CDH2: variants seen among roughly 807,000 people sequenced by gnomAD.
CDH2 encodes cadherin-2.
Under a neutral mutation model 92.0 loss-of-function variants are expected in CDH2, and 17 were observed. That is an observed-to-expected ratio of 0.18 (90% CI 0.13 to 0.28). The LOEUF (loss-of-function observed/expected upper bound fraction) is 0.28. Ranked by LOEUF, CDH2 falls within the 10% of genes least tolerant of loss-of-function variation. CDH2 has a pLI of 1.00. For missense variants in CDH2, 862 were observed against 1,133.1 expected (o/e 0.76, Z 3.44); for synonymous variants, 419 against 415.9 (o/e 1.01, Z -0.09).
At chr18:28,092,097 T>G (rs1271275249) in intron 2 of CDH2, among the ~76,000 whole-genome samples, 1 of 151,960 alleles carries the variant, frequency 6.6e-6, no homozygotes, top group Non-Finnish European at 1.5e-5. Context: ...CATCACATAC[T>G]GGGGTTTAGG....
At chr18:28,094,792 T>TAAA (rs35744873) in intron 2 of CDH2, among the ~76,000 whole-genome samples, 26,672 of 81,968 alleles carry the variant, frequency 0.33, 5,249 homozygotes, top group Non-Finnish European at 0.39. Flanking sequence ...AGACTCTGTC[T>TAAA]AAAAAAAAAA....
chr18:28,100,725 T>C (rs1048041342), intron 2 of CDH2, among the ~76,000 whole-genome samples: 4 of 152,214 alleles, frequency 2.6e-5, no homozygotes, highest in African/African-American at 4.8e-5. Context: ...CACATACACA[T>C]TGCATTCCCA....
intron 2 of CDH2, among the ~76,000 whole-genome samples, chr18:28,032,498 G>C (rs568575): frequency 0.23 from 35,184 of 151,974 alleles, 4,328 homozygotes; most frequent in South Asian, 0.37. Context: ...ATTCATCTAT[G>C]TAAATATAAA....
intron 2 of CDH2, among the ~76,000 whole-genome samples, chr18:28,091,049 TG>T: frequency 6.6e-6 from 1 of 152,374 alleles, no homozygotes; most frequent in Middle Eastern, 3.4e-3. Context: ...TTGCATAGGC[TG>T]ATTTTCTCAT....
intron 2 of CDH2, among the ~76,000 whole-genome samples, chr18:28,082,336 C>A (rs1270050236): frequency 6.6e-6 from 1 of 151,978 alleles, no homozygotes; most frequent in African/African-American, 2.4e-5. Flanking sequence ...ACTTGAGCCC[C>A]GGAGACTGAG....
intron 9 of CDH2, among the ~76,000 whole-genome samples, chr18:27,990,843 T>A (rs1345971928): frequency 6.6e-6 from 1 of 152,210 alleles, no homozygotes; most frequent in Non-Finnish European, 1.5e-5. Flanking sequence ...CTTATTTGAT[T>A]TAAAAGTACC....
chr18:28,108,984 CT>C (rs924684187), intron 2 of CDH2, among the ~76,000 whole-genome samples: 1 of 152,072 alleles, frequency 6.6e-6, no homozygotes, highest in African/African-American at 2.4e-5. Flanking sequence ...ACATTAAATA[CT>C]TTGACAACAC....
chr18:28,151,442 C>T (rs1016287817), intron 1 of CDH2, among the ~76,000 whole-genome samples: 10 of 152,162 alleles, frequency 6.6e-5, no homozygotes, highest in Admixed American at 3.9e-4. Context: ...CACAGCATCC[C>T]TAACAAAGGA....
intron 1 of CDH2, among the ~76,000 whole-genome samples, chr18:28,162,109 C>A (rs1006919966): frequency 6.6e-6 from 1 of 152,104 alleles, no homozygotes; most frequent in Non-Finnish European, 1.5e-5. Context: ...TTGTCCAGAA[C>A]TGAAATAGAT....
At position 28,024,367 on chromosome 18, in the gene CDH2, A is replaced by T. The variant is rs1289765657; in HGVS notation, c.173-10458T>A. On this transcript the variant is annotated intron_variant, in intron 2 of 15. Coordinates refer to ENST00000269141, the MANE Select transcript of CDH2 (RefSeq NM_001792.5). ...GTTGGGAAAATAAACATATGTAGAA[A>T]TGAAATCTTAAGACAAAACAGATTG... Among the ~76,000 whole-genome samples, 5 of 151,806 alleles carry T rather than the reference A, an allele frequency of 3.3e-5. No individual in the cohort carries two copies. The East Asian group carries it at 9.7e-4, about 29-fold the overall frequency.
chr18:27,952,489 T>C, intron 15 of CDH2, 130 bp from the exon 16 acceptor site: 1 of 691,216 alleles, frequency 1.4e-6, no homozygotes, highest in East Asian at 2.7e-5. Context: ...ACATACCATA[T>C]TTTCAACACA....
chr18:28,173,436 A>G (rs966582127), intron 1 of CDH2, among the ~76,000 whole-genome samples: 1 of 152,158 alleles, frequency 6.6e-6, no homozygotes, highest in African/African-American at 2.4e-5. Context: ...ATGAAAATCA[A>G]ATAAATACTG....
At chr18:27,959,364 A>ACAT (rs2011338684) in intron 15 of CDH2, among the ~76,000 whole-genome samples, 3 of 152,338 alleles carry the variant, frequency 2.0e-5, no homozygotes, top group African/African-American at 7.2e-5. Context: ...CTTATTCCTT[A>ACAT]CATCTATAAA....
chr18:28,166,932 G>C (rs1264196117), intron 1 of CDH2, among the ~76,000 whole-genome samples: 2 of 151,988 alleles, frequency 1.3e-5, no homozygotes, highest in Non-Finnish European at 2.9e-5. Flanking sequence ...CAGACTCTCA[G>C]ATCTTTAAAA....
intron 1 of CDH2, among the ~76,000 whole-genome samples, chr18:28,157,854 C>T (rs185142487): frequency 1.3e-5 from 2 of 152,174 alleles, no homozygotes; most frequent in Admixed American, 6.5e-5. Context: ...CAAATCAAAG[C>T]CTCACACCCC....
At chr18:28,101,029 C>A (rs2144232474) in intron 2 of CDH2, among the ~76,000 whole-genome samples, 2 of 152,170 alleles carry the variant, frequency 1.3e-5, no homozygotes, top group South Asian at 4.2e-4. Flanking sequence ...TAACTTGTGA[C>A]CCTTCATATT....
intron 5 of CDH2, among the ~76,000 whole-genome samples, chr18:28,008,551 C>A (rs979899918): frequency 6.6e-6 from 1 of 151,836 alleles, no homozygotes; most frequent in African/African-American, 2.4e-5. Context: ...ACAATGAGAA[C>A]ACTTAGACAC....
At chr18:27,994,159 G>C (rs142648805) in intron 7 of CDH2, among the ~76,000 whole-genome samples, 1 of 152,086 alleles carries the variant, frequency 6.6e-6, no homozygotes, top group Admixed American at 6.5e-5. Context: ...AAATTCTATT[G>C]ATACATATGA....
chr18:28,033,656 A>G (rs2013754210), intron 2 of CDH2, among the ~76,000 whole-genome samples: 1 of 152,116 alleles, frequency 6.6e-6, no homozygotes, highest in African/African-American at 2.4e-5. Flanking sequence ...GGCACTTTTG[A>G]AACACAGGCA....
Sources: allele counts gnomAD v4.1 joint callset (sites outside exome capture counted in the v4.1 genomes callset), GRCh38; gene constraint gnomAD v4.1.1; transcripts MANE v1.5; gene names NCBI Gene and HGNC (gene_info 2026-07-23, HGNC 2026-07-21).